The following PTPRD variants were observed in gnomAD, a reference collection of about 807,000 sequenced individuals.
PTPRD encodes receptor-type tyrosine-protein phosphatase delta.
Under a neutral mutation model 214.5 loss-of-function variants are expected in PTPRD, and 34 were observed. The ratio of observed to expected loss-of-function variants is 0.16; its 90% CI spans 0.12 to 0.21. The LOEUF (loss-of-function observed/expected upper bound fraction) is 0.21, where lower values mean the gene tolerates loss of function less well. PTPRD is among the 10% of genes least tolerant of loss of function. The pLI is 1.00. For synonymous variants in PTPRD, 1,128 were observed against 845.7 expected (o/e 1.33, Z -5.79); for missense variants, 2,545 against 2,398.7 (o/e 1.06, Z -1.27).
intron 2 of PTPRD, among the ~76,000 whole-genome samples, chr9:10,576,232 C>T (rs760616206): frequency 3.3e-5 from 5 of 152,032 alleles, no homozygotes; most frequent in Non-Finnish European, 5.9e-5. Flanking sequence ...TTGTAACAGT[C>T]TAATGATATC....
intron 39 of PTPRD, among the ~76,000 whole-genome samples, chr9:8,359,313 C>T (rs1327549278): frequency 1.3e-5 from 2 of 151,266 alleles, no homozygotes; most frequent in South Asian, 4.2e-4. Context: ...TGGGGTCAAG[C>T]AGTTTGAATT....
At chr9:9,743,096 G>C (rs779759019) in intron 6 of PTPRD, among the ~76,000 whole-genome samples, 37 of 152,048 alleles carry the variant, frequency 2.4e-4, no homozygotes, top group Non-Finnish European at 4.4e-5. Flanking sequence ...TTCCCACATA[G>C]CCTTACCTTC....
chr9:8,744,741 C>G (rs907156089), intron 11 of PTPRD, among the ~76,000 whole-genome samples: 4 of 152,150 alleles, frequency 2.6e-5, no homozygotes, highest in African/African-American at 9.7e-5. Context: ...CAGAAATCAC[C>G]GCTAGAGAAC....
chr9:9,132,583 CAT>C (rs1491290051), intron 10 of PTPRD, among the ~76,000 whole-genome samples: 1 of 152,096 alleles, frequency 6.6e-6, no homozygotes, highest in Non-Finnish European at 1.5e-5. Context: ...TCTTTGGAGA[CAT>C]AGTATTCTCA....
chr9:9,287,231 C>T (rs988610391), intron 9 of PTPRD, among the ~76,000 whole-genome samples: 5 of 151,442 alleles, frequency 3.3e-5, no homozygotes, highest in Non-Finnish European at 3.0e-5. Flanking sequence ...TCATCCCACC[C>T]CAAAACAAAA....
rs372187982 is a variant in PTPRD, at chr9:8,353,958, A to G, written c.4662-11980T>C. Among the ~76,000 whole-genome samples the G allele has an allele frequency of 6.2e-3, 610 of 99,006 alleles. 51 individuals carry two copies. The highest frequency in any genetic ancestry group is 7.1e-3 in the Admixed American group (64 of 9,008). 65.0% of individuals were successfully genotyped at this position (99,006 alleles called of 152,430 possible). On this transcript the variant is annotated intron_variant, in intron 39 of 45. Coordinates refer to ENST00000381196, the MANE Select transcript of PTPRD (RefSeq NM_002839.4). ...TGTACATATATATATATATATATAT[A>G]TATATGTTTTTTTTTTTTTGAGAAG... is the stretch of plus-strand genomic sequence containing the variant.
intron 14 of PTPRD, among the ~76,000 whole-genome samples, chr9:8,605,029 C>G (rs1369567819): frequency 6.6e-6 from 1 of 152,158 alleles, no homozygotes; most frequent in African/African-American, 2.4e-5. Context: ...CAAAAATAAA[C>G]TGCCATCTTT....
intron 9 of PTPRD, among the ~76,000 whole-genome samples, chr9:9,380,144 TAG>T (rs1459932262): frequency 6.6e-6 from 1 of 152,104 alleles, no homozygotes; most frequent in Admixed American, 6.6e-5. Context: ...AGGTTATTTG[TAG>T]AGATTCTTTA....
At chr9:10,567,444 T>C (rs1305360474) in intron 2 of PTPRD, among the ~76,000 whole-genome samples, 1 of 152,096 alleles carries the variant, frequency 6.6e-6, no homozygotes, top group African/African-American at 2.4e-5. Context: ...AATTGTAATT[T>C]TATAGTATAT....
intron 7 of PTPRD, among the ~76,000 whole-genome samples, chr9:9,705,543 C>T (rs781461889): frequency 6.6e-6 from 1 of 152,056 alleles, no homozygotes; most frequent in African/African-American, 2.4e-5. Flanking sequence ...TACTCTCAAG[C>T]ACTTGAGGTC....
At chr9:10,460,657 A>G (rs181541402) in intron 2 of PTPRD, among the ~76,000 whole-genome samples, 1 of 152,162 alleles carries the variant, frequency 6.6e-6, no homozygotes, top group Non-Finnish European at 1.5e-5. Flanking sequence ...CTGGATTTAC[A>G]TATCTGGATT....
intron 9 of PTPRD, among the ~76,000 whole-genome samples, chr9:9,333,459 C>T (rs959941927): frequency 1.4e-5 from 2 of 140,966 alleles, no homozygotes; most frequent in Non-Finnish European, 3.0e-5. Context: ...TACTTGGAAA[C>T]AATGATATAT....
chr9:10,024,789 C>T, intron 4 of PTPRD, among the ~76,000 whole-genome samples: 1 of 108,176 alleles, frequency 9.2e-6, no homozygotes, highest in Non-Finnish European at 1.8e-5. Context: ...CCTCCCCCCA[C>T]CCCACAACAG....
intron 11 of PTPRD, among the ~76,000 whole-genome samples, chr9:9,005,223 C>A (rs574344919): frequency 6.6e-6 from 1 of 152,004 alleles, no homozygotes; most frequent in South Asian, 2.1e-4. Context: ...CTGATCAGTT[C>A]ATTGCTAGGC....
chr9:8,491,094 A>T (rs1258277868), intron 27 of PTPRD, among the ~76,000 whole-genome samples: 2 of 152,258 alleles, frequency 1.3e-5, no homozygotes, highest in African/African-American at 2.4e-5. Flanking sequence ...TTCGCTCTTA[A>T]AGGAATTAAA....
intron 9 of PTPRD, among the ~76,000 whole-genome samples, chr9:9,382,819 T>C (rs2062739705): frequency 6.6e-6 from 1 of 152,188 alleles, no homozygotes; most frequent in South Asian, 2.1e-4. Context: ...ATTCAAAGAA[T>C]TGAAATGAGA....
At chr9:8,461,423 G>A (rs542081509) in intron 32 of PTPRD, among the ~76,000 whole-genome samples, 47 of 151,970 alleles carry the variant, frequency 3.1e-4, no homozygotes, top group South Asian at 1.2e-3. Context: ...TATGATATCC[G>A]ATCCCATTTA....
At chr9:9,983,877 G>C (rs10732367) in intron 4 of PTPRD, among the ~76,000 whole-genome samples, 121,928 of 151,522 alleles carry the variant, frequency 0.8, 49,788 homozygotes, top group Middle Eastern at 0.89. Flanking sequence ...GCAGTTCACC[G>C]ATTTATTCAT....
chr9:9,555,558 A>G (rs1448543014), intron 8 of PTPRD, among the ~76,000 whole-genome samples: 1 of 152,090 alleles, frequency 6.6e-6, no homozygotes, highest in African/African-American at 2.4e-5. Context: ...ACTAAAATTC[A>G]GCATTATTGT....
Sources: gnomAD v4.1 joint callset for allele counts (sites outside exome capture counted in the v4.1 genomes callset) on GRCh38, gnomAD v4.1.1 for gene constraint, MANE v1.5 for transcripts, NCBI Gene and HGNC (gene_info 2026-07-23, HGNC 2026-07-21) for gene names.